RTL4: variants seen among roughly 807,000 people sequenced by gnomAD.
The protein encoded by RTL4 is retrotransposon Gag-like protein 4.
RTL4 carries 4 observed loss-of-function variants against 5.3 expected under a neutral mutation model. That is an observed-to-expected ratio of 0.75 (90% CI 0.37 to 1.72). The LOEUF (loss-of-function observed/expected upper bound fraction) is 1.72. RTL4 is among the 40% of genes most tolerant of loss of function. The pLI is 0.04. For synonymous variants in RTL4, 98 were observed against 87.3 expected, an observed-to-expected ratio of 1.12 and a Z score of -0.68; for missense variants, 260 against 227.1, an observed-to-expected ratio of 1.14 and a Z score of -0.93.
chrX:112,438,020 G>A, the RTL4 span, among the ~76,000 whole-genome samples: 1 of 111,314 alleles, frequency 9.0e-6, no homozygotes, highest in Non-Finnish European at 1.9e-5. Flanking sequence ...TTTTAAAGAT[G>A]ACTTCTGTCT....
At chrX:112,257,576 A>G in the RTL4 span, among the ~76,000 whole-genome samples, 1 of 110,778 alleles carries the variant, frequency 9.0e-6, no homozygotes, top group Non-Finnish European at 1.9e-5. Context: ...CCAAGATGCC[A>G]GCAGATTCAG....
At chrX:112,327,494 T>C in the RTL4 span, among the ~76,000 whole-genome samples, 1 of 109,095 alleles carries the variant, frequency 9.2e-6, no homozygotes, top group East Asian at 2.9e-4. Context: ...CTCCAAGAAA[T>C]ATGGGACTAT....
the RTL4 span, among the ~76,000 whole-genome samples, chrX:112,384,689 C>T: frequency 2.3e-3 from 253 of 111,718 alleles, 2 homozygotes; most frequent in East Asian, 0.031. Context: ...CTTGGCAGTA[C>T]AAGCTCTTTT....
the RTL4 span, among the ~76,000 whole-genome samples, chrX:112,099,100 C>A: frequency 9.0e-6 from 1 of 111,650 alleles, no homozygotes; most frequent in African/African-American, 3.3e-5. Context: ...AACAGGCAAC[C>A]TACACAATGG....
the RTL4 span, among the ~76,000 whole-genome samples, chrX:112,282,580 C>T: frequency 1.2e-4 from 13 of 111,569 alleles, no homozygotes; most frequent in South Asian, 3.3e-3. Context: ...GATAACTTTG[C>T]GTAGTACAGA....
chrX:112,175,495 G>A, the RTL4 span, among the ~76,000 whole-genome samples: 1 of 109,274 alleles, frequency 9.2e-6, no homozygotes, highest in African/African-American at 3.3e-5. Context: ...TTGTAGTATA[G>A]TTTGAAGTCA....
the RTL4 span, among the ~76,000 whole-genome samples, chrX:112,231,695 C>T: frequency 9.1e-6 from 1 of 110,183 alleles, no homozygotes; most frequent in Non-Finnish European, 1.9e-5. Flanking sequence ...ACATTGTGCA[C>T]ATGTACCCTA....
the RTL4 span, among the ~76,000 whole-genome samples, chrX:112,187,001 G>A: frequency 1.8e-5 from 2 of 111,814 alleles, no homozygotes; most frequent in South Asian, 7.4e-4. Context: ...GATGTTAGTT[G>A]TCAGTGGCTG....
chrX:112,371,401 G>A, the RTL4 span, among the ~76,000 whole-genome samples: 1 of 110,936 alleles, frequency 9.0e-6, no homozygotes, highest in Admixed American at 9.6e-5. Flanking sequence ...GTATTCTAAT[G>A]GAAGACCTGT....
At chrX:112,218,679 T>C in the RTL4 span, among the ~76,000 whole-genome samples, 3 of 111,596 alleles carry the variant, frequency 2.7e-5, no homozygotes, top group Admixed American at 9.6e-5. Flanking sequence ...CTGATTGTGA[T>C]TCGGGATTTG....
At chrX:112,259,465 G>A in the RTL4 span, among the ~76,000 whole-genome samples, 1 of 110,524 alleles carries the variant, frequency 9.0e-6, no homozygotes, top group Non-Finnish European at 1.9e-5. Flanking sequence ...GAGATACTAC[G>A]AGGATTGAAT....
chrX:112,193,322 T>C, the RTL4 span, among the ~76,000 whole-genome samples: 1 of 111,092 alleles, frequency 9.0e-6, no homozygotes, highest in Non-Finnish European at 1.9e-5. Context: ...TATTTTGAAA[T>C]ATACAATAAA....
chrX:112,326,904 C>T, the RTL4 span, among the ~76,000 whole-genome samples: 2 of 111,459 alleles, frequency 1.8e-5, no homozygotes, highest in African/African-American at 3.3e-5. Flanking sequence ...ACACTGACAC[C>T]TCACACGGCC....
At chrX:112,312,375 G>T in the RTL4 span, among the ~76,000 whole-genome samples, 1 of 111,939 alleles carries the variant, frequency 8.9e-6, no homozygotes, top group African/African-American at 3.2e-5. Context: ...AAGTGATACA[G>T]ATCCTGCCAA....
chrX:112,171,443 T>C, the RTL4 span, among the ~76,000 whole-genome samples: 1 of 111,657 alleles, frequency 9.0e-6, no homozygotes, highest in Admixed American at 9.5e-5. Flanking sequence ...TCTTTATTGG[T>C]CTATTTGGGG....
chrX:112,115,476 G>A, the RTL4 span, among the ~76,000 whole-genome samples: 2,662 of 111,383 alleles, frequency 0.024, 33 homozygotes, highest in Non-Finnish European at 0.035. Context: ...GGGAAGGAAG[G>A]GATCTCCAGG....
chrX:112,123,745 C>T, the RTL4 span, among the ~76,000 whole-genome samples: 20 of 111,824 alleles, frequency 1.8e-4, no homozygotes, highest in Non-Finnish European at 3.6e-4. Context: ...AGTCGGGTAG[C>T]ATGATGCTCC....
At chrX:112,359,702 C>T in the RTL4 span, among the ~76,000 whole-genome samples, 2 of 110,991 alleles carry the variant, frequency 1.8e-5, no homozygotes, top group Non-Finnish European at 3.8e-5. Context: ...ATTGGTGCTT[C>T]TGATAATTCT....
At chrX:112,339,267 G>A in the RTL4 span, among the ~76,000 whole-genome samples, 3 of 111,923 alleles carry the variant, frequency 2.7e-5, no homozygotes, top group Non-Finnish European at 5.6e-5. Context: ...GGATAACTAT[G>A]TAATTTGTTG....
Sources: allele counts gnomAD v4.1 joint callset (sites outside exome capture counted in the v4.1 genomes callset), GRCh38; gene constraint gnomAD v4.1.1; transcripts MANE v1.5; gene names NCBI Gene and HGNC (gene_info 2026-07-23, HGNC 2026-07-21).